The following TUBGCP3 variants were observed in gnomAD, a reference collection of about 807,000 sequenced individuals.
TUBGCP3 encodes gamma-tubulin complex component 3.
In TUBGCP3, 50 loss-of-function variants were observed where a neutral mutation model predicts 123.1. The ratio of observed to expected loss-of-function variants is 0.41; its 90% confidence interval spans 0.32 to 0.51. TUBGCP3 has a LOEUF of 0.51. TUBGCP3 is among the 20% of genes least tolerant of loss of function. The pLI is 0.36. For synonymous variants in TUBGCP3, 405 were observed against 413.9 expected, an observed-to-expected ratio of 0.98 and a Z score of 0.26; for missense variants, 882 against 1,127.0, an observed-to-expected ratio of 0.78 and a Z score of 3.11.
intron 8 of TUBGCP3, among the ~76,000 whole-genome samples, chr13:112,552,685 T>C (rs1390576061): frequency 2.0e-5 from 3 of 152,176 alleles, no homozygotes; most frequent in Non-Finnish European, 4.4e-5. Context: ...ACCAGAACCC[T>C]GGGCTGCCTC....
chr13:112,504,873 G>A (rs7320173), intron 17 of TUBGCP3, among the ~76,000 whole-genome samples, 159 bp from the exon 18 acceptor site: 26,591 of 152,078 alleles, frequency 0.17, 2,467 homozygotes, highest in Middle Eastern at 0.22. Flanking sequence ...ACCAATTTCT[G>A]TGCAGGTCAA....
chr13:112,486,417 C>G (rs1879675002), intron 21 of TUBGCP3, among the ~76,000 whole-genome samples: 1 of 152,226 alleles, frequency 6.6e-6, no homozygotes, highest in Non-Finnish European at 1.5e-5. Flanking sequence ...AAACAACTAA[C>G]CAACAGGTTT....
chr13:112,550,731 T>C (rs1344516257), intron 8 of TUBGCP3, among the ~76,000 whole-genome samples: 1 of 152,200 alleles, frequency 6.6e-6, no homozygotes, highest in Non-Finnish European at 1.5e-5. Context: ...ACAGCATCAC[T>C]CTTTACCAAA....
At chr13:112,582,879 G>A (rs1175008688) in intron 1 of TUBGCP3, among the ~76,000 whole-genome samples, 1 of 152,182 alleles carries the variant, frequency 6.6e-6, no homozygotes, top group East Asian at 1.9e-4. Context: ...CCAGAGAGCA[G>A]TGCTGCTGAG....
intron 1 of TUBGCP3, among the ~76,000 whole-genome samples, chr13:112,586,039 A>C (rs1166361718): frequency 2.0e-5 from 3 of 152,052 alleles, no homozygotes; most frequent in Non-Finnish European, 4.4e-5. Flanking sequence ...GGAGATCGAA[A>C]CCATCCTGGC....
At chr13:112,601,799 T>C in the TUBGCP3 span, among the ~76,000 whole-genome samples, 1 of 152,206 alleles carries the variant, frequency 6.6e-6, no homozygotes, top group East Asian at 1.9e-4. Flanking sequence ...TTGTGGCCAA[T>C]CAAGTCTATT....
intron 11 of TUBGCP3, among the ~76,000 whole-genome samples, chr13:112,535,518 T>C (rs1877970795): frequency 6.6e-6 from 1 of 152,242 alleles, no homozygotes; most frequent in Admixed American, 6.5e-5. Flanking sequence ...TATTTAATTG[T>C]AGTTTTGATT....
At chr13:112,512,158 C>T (rs984863542) in intron 17 of TUBGCP3, among the ~76,000 whole-genome samples, 2 of 152,188 alleles carry the variant, frequency 1.3e-5, no homozygotes, top group Admixed American at 6.5e-5. Flanking sequence ...CAGTAGCTCA[C>T]GCCCATAACC....
At position 112,521,491 on chromosome 13, in the gene TUBGCP3, C is replaced by CA. The variant is rs1195557175; in HGVS notation, c.1745+828dup. Among the ~76,000 whole-genome samples the CA allele has an allele frequency of 3.9e-5, 6 of 152,336 alleles. No individual in the cohort carries two copies. In the East Asian group the frequency reaches 1.2e-3, roughly 29 times the overall value. On this transcript the variant is annotated intron_variant, in intron 14 of 21. Transcript: ENST00000261965. ...CTGGAAATGCAAATCCTCTACCCCA[C>CA]ACCTGAGAATCTCATTCTCTGAAGT...
chr13:112,511,881 G>A lies in TUBGCP3; in HGVS notation c.2086+4559C>T, dbSNP rs750178427. 5.3e-5 allele frequency among the ~76,000 whole-genome samples: 8 copies of A among 152,048 alleles called. No individual in the cohort carries two copies. Among genetic ancestry groups the A allele is most frequent in the Non-Finnish European group, 8.8e-5 (6 of 68,022 alleles). On this transcript the variant is annotated intron_variant, in intron 17 of 21. Coordinates refer to ENST00000261965, the MANE Select transcript of TUBGCP3 (RefSeq NM_006322.6). This position sits in a 1 kb window ranked among gnomAD's most constrained non-coding sequence, Gnocchi z 4.1. ...TTATAAGGGACCTGCTGGTTCAGAT[G>A]TGGCCCCACCAAGCTATTTCCACAG...
chr13:112,587,679 CGCCCCGGTCCTG>C (rs1882714334), intron 1 of TUBGCP3, among the ~76,000 whole-genome samples: 1 of 152,194 alleles, frequency 6.6e-6, no homozygotes, highest in South Asian at 2.1e-4. Context: ...CCACTCCCTC[CGCCCCGGTCCTG>C]GCCCCCAGCC....
At chr13:112,554,320 C>CA in intron 7 of TUBGCP3, 138 bp from the exon 8 acceptor site, 3 of 1,062,260 alleles carry the variant, frequency 2.8e-6, no homozygotes, top group Non-Finnish European at 4.0e-6. Flanking sequence ...AAGATCCCAT[C>CA]ACTAAAGGGA....
At chr13:112,570,874 T>C (rs1336651018) in intron 1 of TUBGCP3, among the ~76,000 whole-genome samples, 3 of 152,222 alleles carry the variant, frequency 2.0e-5, no homozygotes, top group Non-Finnish European at 2.9e-5. Flanking sequence ...ATTTCAACAA[T>C]GTTCACAGCA....
At chr13:112,548,065 A>G (rs1371328661) in intron 9 of TUBGCP3, 43 bp downstream of exon 9, 2 of 1,430,848 alleles carry the variant, frequency 1.4e-6, no homozygotes, top group Non-Finnish European at 1.9e-6. Context: ...ATTTTGTAAC[A>G]CTTCAAATCA....
intron 17 of TUBGCP3, among the ~76,000 whole-genome samples, chr13:112,515,148 C>T (rs1463480431): frequency 1.3e-5 from 2 of 152,094 alleles, no homozygotes; most frequent in Non-Finnish European, 2.9e-5. Context: ...TATTGATATT[C>T]AATACAATAA....
chr13:112,518,728 C>T (rs1876367702), intron 16 of TUBGCP3, among the ~76,000 whole-genome samples: 2 of 152,110 alleles, frequency 1.3e-5, no homozygotes, highest in African/African-American at 4.8e-5. Context: ...TAAGGAGTTG[C>T]TGAAACCTAT....
chr13:112,575,212 G>A (rs1476369689), intron 1 of TUBGCP3, among the ~76,000 whole-genome samples: 1 of 152,150 alleles, frequency 6.6e-6, no homozygotes, highest in African/African-American at 2.4e-5. Context: ...CTATCGAGAA[G>A]GAGCCCAACT....
chr13:112,489,829 C>G, intron 20 of TUBGCP3, 132 bp from the exon 21 acceptor site: 3 of 664,254 alleles, frequency 4.5e-6, no homozygotes, highest in Non-Finnish European at 7.8e-6. Flanking sequence ...TCAACACTTT[C>G]ACAATAATTT....
At chr13:112,603,252 C>G in the TUBGCP3 span, 1 of 152,138 alleles carries the variant, frequency 6.6e-6, no homozygotes, top group Non-Finnish European at 1.5e-5. Flanking sequence ...CAAGAAGAAC[C>G]GCAAAGTTAT....
Sources: gnomAD v4.1 joint callset for allele counts (sites outside exome capture counted in the v4.1 genomes callset) on GRCh38, gnomAD v4.1.1 for gene constraint, Gnocchi (gnomAD v3.1) non-coding constraint, MANE v1.5 for transcripts, NCBI Gene and HGNC (gene_info 2026-07-23, HGNC 2026-07-21) for gene names.